The following INPP5D variants were observed in gnomAD, a reference collection of about 807,000 sequenced individuals.
The protein encoded by INPP5D is phosphatidylinositol 3,4,5-trisphosphate 5-phosphatase 1.
INPP5D carries 33 observed loss-of-function variants against 122.9 expected under a neutral mutation model. The observed-to-expected ratio is 0.27, with a 90% confidence interval of 0.20 to 0.36. The LOEUF is 0.36. Among genes scored for constraint, INPP5D ranks in the 10% least tolerant of loss-of-function variants. The probability of loss-of-function intolerance (pLI) is 1.00; values close to 1 mark genes in which losing one functional copy is unlikely to be tolerated. For missense variants in INPP5D, 1,053 were observed against 1,412.7 expected (o/e 0.75, Z 4.08); for synonymous variants, 584 against 576.2 (o/e 1.01, Z -0.19).
At chr2:233,110,812 C>A (rs1311293380) in intron 2 of INPP5D, among the ~76,000 whole-genome samples, 1 of 151,976 alleles carries the variant, frequency 6.6e-6, no homozygotes, top group Non-Finnish European at 1.5e-5. Context: ...GTAGTCCCGG[C>A]TACTTGGGAA....
At chr2:233,190,482 G>A (rs368963728) in intron 22 of INPP5D, among the ~76,000 whole-genome samples, 15 of 152,150 alleles carry the variant, frequency 9.9e-5, no homozygotes, top group African/African-American at 1.4e-4. Context: ...CCCTCTGCCC[G>A]AAGACCCCCT....
intron 25 of INPP5D, among the ~76,000 whole-genome samples, chr2:233,199,194 C>T (rs1000190851): frequency 9.9e-5 from 15 of 151,728 alleles, no homozygotes; most frequent in African/African-American, 3.6e-4. Context: ...GCCAAGATTG[C>T]ACCACTGCAC....
chr2:233,107,571 A>T (rs1400782650), intron 2 of INPP5D, among the ~76,000 whole-genome samples: 1 of 152,200 alleles, frequency 6.6e-6, no homozygotes, highest in Non-Finnish European at 1.5e-5. Flanking sequence ...GATTCTGGGA[A>T]GTCTGCCCAA....
chr2:233,146,965 A>T (rs550477670), intron 8 of INPP5D, among the ~76,000 whole-genome samples: 173 of 151,972 alleles, frequency 1.1e-3, no homozygotes, highest in African/African-American at 4.0e-3. Flanking sequence ...CACATTCCCC[A>T]CCCCAAAGTC....
rs1694279153 is a variant in INPP5D, at chr2:233,164,551, C to T, written c.1555+127C>T. On this transcript the variant is annotated intron_variant, in intron 13 of 26. Transcript: ENST00000445964. This position sits in a 1 kb window ranked among gnomAD's most constrained non-coding sequence, Gnocchi z 4.3. ...AGAGCCTCACATCCTCAGATCCTGG[C>T]TCAGTCCTCAGCAAATAGGGGTGAT... 5 of 1,340,716 alleles carry T rather than the reference C, an allele frequency of 3.7e-6. No homozygotes were observed. The highest frequency in any genetic ancestry group is 3.9e-6 in the Non-Finnish European group (4 of 1,025,180). The allele number at this position is 1,340,716 out of a possible 1,614,324, so 83.1% of individuals were successfully genotyped here. A position where few individuals can be genotyped will look rare whatever the true frequency, so the allele number is the denominator to read the frequency against.
chr2:233,102,868 C>A (rs867384016), intron 2 of INPP5D, among the ~76,000 whole-genome samples: 106 of 137,286 alleles, frequency 7.7e-4, no homozygotes, highest in African/African-American at 1.8e-3. Flanking sequence ...AAAAAAACAA[C>A]CAAAAAACCA....
At chr2:233,133,821 G>A (rs1455492319) in intron 5 of INPP5D, among the ~76,000 whole-genome samples, 1 of 152,140 alleles carries the variant, frequency 6.6e-6, no homozygotes, top group East Asian at 1.9e-4. Flanking sequence ...AGTGGCTGTG[G>A]TTGTCCAAGT....
At chr2:233,104,678 C>A (rs932250949) in intron 2 of INPP5D, among the ~76,000 whole-genome samples, 3 of 152,274 alleles carry the variant, frequency 2.0e-5, no homozygotes, top group South Asian at 4.1e-4. Context: ...GGTCCAAATT[C>A]TTTCCCAGTG....
chr2:233,071,863 A>T (rs1190577458), intron 1 of INPP5D, among the ~76,000 whole-genome samples: 1 of 151,228 alleles, frequency 6.6e-6, no homozygotes, highest in African/African-American at 2.4e-5. Context: ...CACTTTACTC[A>T]CTCCTCATTA....
intron 1 of INPP5D, among the ~76,000 whole-genome samples, chr2:233,077,451 A>C (rs1340099426): frequency 6.6e-6 from 1 of 152,120 alleles, no homozygotes; most frequent in Non-Finnish European, 1.5e-5. Context: ...ACCTGAGGTC[A>C]GGAGTCGAGA....
Position 233,193,792 on chromosome 2 carries a change from G to A in INPP5D, c.2447-20G>A. 6.2e-7 allele frequency: 1 copy of A among 1,613,810 alleles called. No homozygotes were observed. Among genetic ancestry groups the A allele is most frequent in the Non-Finnish European group, 8.5e-7 (1 of 1,179,892 alleles). On this transcript the variant is annotated intron_variant, in intron 22 of 26. Coordinates refer to ENST00000445964, the MANE Select transcript of INPP5D (RefSeq NM_001017915.3). ...GAAAAGGCAGGGTCTTCACCCAGCT[G>A]TCTCCCACTTTCCCTGCAGGCGAGG...
At position 233,164,619 on chromosome 2, in the gene INPP5D, TC is replaced by T. The variant is rs1023886293; in HGVS notation, c.1555+198del. Among the ~76,000 whole-genome samples, 11 of 152,152 alleles carry T rather than the reference TC, an allele frequency of 7.2e-5. No homozygotes were observed. Among genetic ancestry groups the T allele is most frequent in the African/African-American group, 2.7e-4 (11 of 41,428 alleles). On this transcript the variant is annotated intron_variant, in intron 13 of 26. Transcript: ENST00000445964. The surrounding 1 kb of genome is among the most constrained non-coding windows in gnomAD (Gnocchi z 4.3). ...ACTCACTCAGGGTCTACACCAGCAG[TC>T]CCAGGGATCTAGCTAAAATGCAGGT...
Position 233,100,520 on chromosome 2 carries a change from T to C in INPP5D, c.198+21122T>C, listed in dbSNP as rs1332058771. Among the ~76,000 whole-genome samples the C allele has an allele frequency of 6.6e-6, 1 of 151,940 alleles. No individual in the cohort carries two copies. Among genetic ancestry groups the C allele is most frequent in the African/African-American group, 2.4e-5 (1 of 41,334 alleles). On this transcript the variant is annotated intron_variant, in intron 2 of 26. Coordinates refer to ENST00000445964, the MANE Select transcript of INPP5D (RefSeq NM_001017915.3). The surrounding 1 kb of genome is among the most constrained non-coding windows in gnomAD (Gnocchi z 5.3). ...CGTTACTCCCGGTGACAATCAGAAT[T>C]CCCCCTGGCCTGCCCTCAGGTGTCC...
chr2:233,125,528 G>T (rs1693130392), intron 3 of INPP5D, among the ~76,000 whole-genome samples: 1 of 152,228 alleles, frequency 6.6e-6, no homozygotes, highest in Non-Finnish European at 1.5e-5. Context: ...TTTGGCCCTG[G>T]CAGGTGTTTG....
intron 23 of INPP5D, 77 bp downstream of exon 23, chr2:233,194,038 C>T (rs944606184): frequency 6.1e-6 from 9 of 1,470,544 alleles, no homozygotes; most frequent in Admixed American, 2.7e-5. Context: ...CTCAGCAAAG[C>T]TGTCGAATAT....
chr2:233,061,641 G>A (rs551116765), intron 1 of INPP5D, among the ~76,000 whole-genome samples: 40 of 152,308 alleles, frequency 2.6e-4, no homozygotes, highest in South Asian at 1.4e-3. Context: ...GGGACCTGTC[G>A]TGCTAAGCAT....
At chr2:233,163,163 C>T (rs759525095) in intron 11 of INPP5D, among the ~76,000 whole-genome samples, 1 of 152,182 alleles carries the variant, frequency 6.6e-6, no homozygotes, top group East Asian at 1.9e-4. Flanking sequence ...TAGGGAGAAC[C>T]GTTCAAAATT....
At chr2:233,186,058 C>T in intron 21 of INPP5D, 133 bp downstream of exon 21, 3 of 1,274,364 alleles carry the variant, frequency 2.4e-6, no homozygotes, top group South Asian at 5.1e-5. Flanking sequence ...CAGAAAGAGA[C>T]CCACTCTAGG....
At position 233,130,514 on chromosome 2, in the gene INPP5D, A is replaced by G. The variant is rs747978885; in HGVS notation, c.531A>G (p.Pro177=). The G allele has an allele frequency of 6.2e-7, 1 of 1,613,616 alleles. No individual in the cohort carries two copies. Among genetic ancestry groups the G allele is most frequent in the Non-Finnish European group, 8.5e-7 (1 of 1,179,798 alleles). ...TCTTTTTTCTTTTCTTTAGGCTTCCAGAAGAGCATCTTAAGGCCATCCAAG... is the reference window on the plus strand; with the variant it reads ...TCTTTTTTCTTTTCTTTAGGCTTCCGGAAGAGCATCTTAAGGCCATCCAAG... The part of the protein sequence containing the change: ...RLQSMDTSGL[P]EEHLKAIQDY... Residue 177 remains proline (P), a synonymous_variant, in exon 5 of 27, where the codon CCA becomes CCG. Transcript: ENST00000445964.
Sources: gnomAD v4.1 joint callset for allele counts (sites outside exome capture counted in the v4.1 genomes callset) on GRCh38, gnomAD v4.1.1 for gene constraint, Gnocchi (gnomAD v3.1) non-coding constraint, MANE v1.5 for transcripts, NCBI Gene and HGNC (gene_info 2026-07-23, HGNC 2026-07-21) for gene names.